The following CCDC178 variants were observed in gnomAD, a reference collection of about 807,000 sequenced individuals.
CCDC178 encodes the protein coiled-coil domain containing 178.
A neutral mutation model predicts 117.4 loss-of-function variants in CCDC178; 126 were observed. The ratio of observed to expected loss-of-function variants is 1.07; its 90% confidence interval spans 0.93 to 1.24. The LOEUF (loss-of-function observed/expected upper bound fraction) is 1.24. CCDC178 is among the 50% of genes most tolerant of loss of function. CCDC178 has a pLI of 0.00. For missense variants in CCDC178, 1,030 were observed against 986.9 expected (o/e 1.04, Z -0.59); for synonymous variants, 283 against 313.4 (o/e 0.90, Z 1.02).
At chr18:33,097,131 A>C (rs2057555201) in intron 20 of CCDC178, among the ~76,000 whole-genome samples, 1 of 152,074 alleles carries the variant, frequency 6.6e-6, no homozygotes, top group African/African-American at 2.4e-5. Flanking sequence ...CAGCTAATCG[A>C]GGATGCTAGA....
At chr18:33,238,912 A>G (rs2059455210) in intron 15 of CCDC178, among the ~76,000 whole-genome samples, 1 of 152,152 alleles carries the variant, frequency 6.6e-6, no homozygotes, top group Non-Finnish European at 1.5e-5. Flanking sequence ...AATTTGCTAT[A>G]AGACTAACAG....
At chr18:33,250,692 C>T (rs544989378) in intron 14 of CCDC178, among the ~76,000 whole-genome samples, 5 of 151,698 alleles carry the variant, frequency 3.3e-5, no homozygotes, top group South Asian at 2.1e-4. Flanking sequence ...AGACTCCTAT[C>T]GGAACATCAT....
intron 20 of CCDC178, among the ~76,000 whole-genome samples, chr18:33,120,673 G>C (rs1174358068): frequency 5.9e-5 from 9 of 152,116 alleles, no homozygotes; most frequent in Admixed American, 5.9e-4. Flanking sequence ...CCAATCATGT[G>C]ATCAGCTACA....
chr18:32,941,714 T>C (rs1322806071), intron 22 of CCDC178, among the ~76,000 whole-genome samples: 2 of 152,186 alleles, frequency 1.3e-5, no homozygotes, highest in Non-Finnish European at 2.9e-5. Flanking sequence ...GGTAAAGGTA[T>C]GGAAGTTAGG....
chr18:33,290,286 C>T (rs191608396), intron 12 of CCDC178, among the ~76,000 whole-genome samples: 6 of 152,196 alleles, frequency 3.9e-5, no homozygotes, highest in East Asian at 3.9e-4. Context: ...ACTATTTCTA[C>T]CATATAGACC....
chr18:33,091,684 A>G (rs1034257752), intron 21 of CCDC178, among the ~76,000 whole-genome samples: 1 of 152,140 alleles, frequency 6.6e-6, no homozygotes, highest in Non-Finnish European at 1.5e-5. Context: ...CAATGTATTC[A>G]GAAGCTTTAA....
Position 33,087,242 on chromosome 18 carries a change from G to C in CCDC178, c.2388+5519C>G, listed in dbSNP as rs560877676. ...ATACCCTCAAAACTGGTATTGGACT[G>C]AATAATTGGTTTGATTTAAGCCAAG... On this transcript the variant is annotated intron_variant, in intron 21 of 22. Coordinates refer to ENST00000383096, the MANE Select transcript of CCDC178 (RefSeq NM_001105528.4). Among the ~76,000 whole-genome samples the C allele has an allele frequency of 3.3e-5, 5 of 152,278 alleles. No individual in the cohort carries two copies. In the East Asian group the frequency reaches 5.8e-4, roughly 18 times the overall value.
chr18:33,196,980 G>A (rs1422887873), intron 20 of CCDC178, among the ~76,000 whole-genome samples: 1 of 151,888 alleles, frequency 6.6e-6, no homozygotes, highest in African/African-American at 2.4e-5. Flanking sequence ...ACAAAGTTTT[G>A]GGCCTTTATT....
chr18:33,246,271 G>A (rs936732190), intron 14 of CCDC178, among the ~76,000 whole-genome samples: 3 of 151,676 alleles, frequency 2.0e-5, no homozygotes, highest in Non-Finnish European at 4.4e-5. Flanking sequence ...AAATCACAGG[G>A]AGAGCTTTGA....
At chr18:33,361,606 C>T (rs936165113) in intron 6 of CCDC178, among the ~76,000 whole-genome samples, 20 of 151,650 alleles carry the variant, frequency 1.3e-4, no homozygotes, top group Non-Finnish European at 3.0e-4. Context: ...AACTCTTAAA[C>T]TCATTAGCAA....
chr18:33,211,925 C>G lies in CCDC178; in HGVS notation c.2209G>C (p.Val737Leu), dbSNP rs117587736. ...EDQRFRVLLAVRQKTLQDTQK... is the reference protein window; with the variant it reads ...EDQRFRVLLALRQKTLQDTQK... Reference sequence around the variant, plus strand: ...GTATCTTGAAGAGTTTTTTGTCTTACAGCAAGGAGCACTCTAAATCTCTGA... The same window carrying G: ...GTATCTTGAAGAGTTTTTTGTCTTAGAGCAAGGAGCACTCTAAATCTCTGA... The change falls in exon 20 of 23, where the codon GTA becomes CTA. Residue 737 changes from valine (V) to leucine (L), a missense_variant. Val to Leu is a conservative substitution (Grantham distance 32, BLOSUM62 1). Transcript: ENST00000383096. 0.014 allele frequency: 22,688 copies of G among 1,606,344 alleles called. 213 individuals are homozygous for G. Among genetic ancestry groups the G allele is most frequent in the Middle Eastern group, 0.041 (244 of 6,024 alleles).
chr18:32,954,235 C>A (rs2054548164), intron 22 of CCDC178: 1 of 152,026 alleles, frequency 6.6e-6, no homozygotes, highest in Non-Finnish European at 1.5e-5. Context: ...TAGAACTGTC[C>A]ATTTTATTCA....
chr18:33,182,195 C>T (rs1255080663), intron 20 of CCDC178, among the ~76,000 whole-genome samples: 2 of 151,862 alleles, frequency 1.3e-5, no homozygotes, highest in African/African-American at 4.8e-5. Flanking sequence ...AATATCTTTA[C>T]ACCATTAGAC....
chr18:33,071,018 T>C (rs2057099414), intron 21 of CCDC178, among the ~76,000 whole-genome samples: 1 of 151,902 alleles, frequency 6.6e-6, no homozygotes, highest in African/African-American at 2.4e-5. Flanking sequence ...AATTAGAAAA[T>C]AAACAGCTCT....
chr18:33,212,384 C>T (rs992934064), intron 19 of CCDC178, among the ~76,000 whole-genome samples: 4 of 151,900 alleles, frequency 2.6e-5, no homozygotes, highest in African/African-American at 9.7e-5. Context: ...TGTCCAGGGG[C>T]GAGAAGCTAT....
intron 2 of CCDC178, among the ~76,000 whole-genome samples, chr18:33,413,330 A>G (rs939645583): frequency 6.6e-6 from 1 of 152,186 alleles, no homozygotes. Flanking sequence ...ACTTTTAAAG[A>G]AAAGTAAGCT....
At chr18:33,197,080 C>T (rs779413634) in intron 20 of CCDC178, among the ~76,000 whole-genome samples, 9 of 152,060 alleles carry the variant, frequency 5.9e-5, no homozygotes, top group South Asian at 2.1e-4. Flanking sequence ...CAGGTTGGAG[C>T]GCAGTGGTGC....
intron 20 of CCDC178, among the ~76,000 whole-genome samples, chr18:33,166,806 A>G (rs190614): frequency 0.16 from 24,528 of 152,096 alleles, 2,759 homozygotes; most frequent in African/African-American, 0.32. Context: ...AGGTTCAGAG[A>G]TACATGTGCA....
chr18:33,087,484 T>C (rs2057396513), intron 21 of CCDC178, among the ~76,000 whole-genome samples: 1 of 152,062 alleles, frequency 6.6e-6, no homozygotes, highest in Non-Finnish European at 1.5e-5. Context: ...TATCAGTCTA[T>C]AAAGTGTGAT....
Sources: gnomAD v4.1 joint callset for allele counts (sites outside exome capture counted in the v4.1 genomes callset) on GRCh38, gnomAD v4.1.1 for gene constraint, MANE v1.5 for transcripts, NCBI Gene and HGNC (gene_info 2026-07-23, HGNC 2026-07-21) for gene names.